The following PARD3 variants were observed in gnomAD, a reference collection of about 807,000 sequenced individuals.
PARD3 encodes par-3 family cell polarity regulator.
In PARD3, 75 loss-of-function variants were observed where a neutral mutation model predicts 155.4. That is an observed-to-expected ratio of 0.48 (90% CI 0.40 to 0.58). PARD3 has a LOEUF of 0.58. PARD3 is among the 20% of genes least tolerant of loss of function. The probability of loss-of-function intolerance (pLI) is 0.00; values close to 1 mark genes in which losing one functional copy is unlikely to be tolerated. For synonymous variants in PARD3, 576 were observed against 610.5 expected, an observed-to-expected ratio of 0.94 and a Z score of 0.83; for missense variants, 1,642 against 1,721.7, an observed-to-expected ratio of 0.95 and a Z score of 0.82.
intron 23 of PARD3, among the ~76,000 whole-genome samples, chr10:34,122,284 T>A (rs1222337287): frequency 6.6e-6 from 1 of 152,178 alleles, no homozygotes; most frequent in Non-Finnish European, 1.5e-5. Flanking sequence ...TTGTAGAAAT[T>A]TCAGGTGTAT....
At chr10:34,492,407 C>T (rs1481830201) in intron 3 of PARD3, among the ~76,000 whole-genome samples, 1 of 152,112 alleles carries the variant, frequency 6.6e-6, no homozygotes, top group East Asian at 1.9e-4. Context: ...GTTTCCTCAT[C>T]TATAACAAAA....
chr10:34,344,781 C>T (rs1837227601), intron 15 of PARD3: 1 of 985,220 alleles, frequency 1.0e-6, no homozygotes, highest in Non-Finnish European at 1.2e-6. Context: ...TGGTCACAAT[C>T]CTGTCTGACC....
At chr10:34,366,093 C>T (rs1246397871) in intron 12 of PARD3, among the ~76,000 whole-genome samples, 1 of 152,048 alleles carries the variant, frequency 6.6e-6, no homozygotes, top group Non-Finnish European at 1.5e-5. Flanking sequence ...TTCTTTAATT[C>T]TGCTTCCTCA....
chr10:34,505,392 C>G (rs1471803864), intron 3 of PARD3, among the ~76,000 whole-genome samples: 1 of 152,136 alleles, frequency 6.6e-6, no homozygotes, highest in Non-Finnish European at 1.5e-5. Context: ...GTGGGGAAAT[C>G]TTTTGTGTGG....
intron 3 of PARD3, among the ~76,000 whole-genome samples, chr10:34,490,230 T>C (rs2079802728): frequency 6.6e-6 from 1 of 152,192 alleles, no homozygotes; most frequent in African/African-American, 2.4e-5. Flanking sequence ...TTGTAATCAT[T>C]CTTCACAGGG....
intron 22 of PARD3, among the ~76,000 whole-genome samples, chr10:34,178,911 T>C (rs545137315): frequency 6.6e-6 from 1 of 152,130 alleles, no homozygotes; most frequent in African/African-American, 2.4e-5. Context: ...TTGGTTAGGA[T>C]GTGACAGGAA....
intron 2 of PARD3, among the ~76,000 whole-genome samples, chr10:34,610,510 T>C (rs993608111): frequency 6.6e-6 from 1 of 152,206 alleles, no homozygotes; most frequent in Non-Finnish European, 1.5e-5. Flanking sequence ...CAAAAAGGGT[T>C]ACGTGTGGAC....
intron 3 of PARD3, among the ~76,000 whole-genome samples, chr10:34,496,672 G>C (rs1487250465): frequency 6.6e-6 from 1 of 152,170 alleles, no homozygotes; most frequent in African/African-American, 2.4e-5. Context: ...TTTCAACGAA[G>C]AAACTGAAAC....
intron 22 of PARD3, among the ~76,000 whole-genome samples, chr10:34,167,113 G>C (rs1016060011): frequency 1.3e-5 from 2 of 152,142 alleles, no homozygotes; most frequent in African/African-American, 4.8e-5. Flanking sequence ...TGCCGCTTAC[G>C]GGCCTGGGTC....
intron 2 of PARD3, among the ~76,000 whole-genome samples, chr10:34,604,958 T>C (rs1590192531): frequency 6.6e-6 from 1 of 152,002 alleles, no homozygotes; most frequent in East Asian, 1.9e-4. Flanking sequence ...TTTTCCTTCT[T>C]TGTACAGTAA....
intron 5 of PARD3, among the ~76,000 whole-genome samples, chr10:34,408,653 T>C (rs1266705446): frequency 6.6e-5 from 10 of 152,088 alleles, no homozygotes; most frequent in East Asian, 1.9e-4. Flanking sequence ...TGGAAAACAA[T>C]TGAAAACATC....
intron 3 of PARD3, among the ~76,000 whole-genome samples, chr10:34,508,657 T>C (rs7477871): frequency 0.12 from 17,708 of 152,242 alleles, 1,629 homozygotes; most frequent in African/African-American, 0.26. Context: ...GCCTGATTTG[T>C]TAATATTGAA....
intron 2 of PARD3, among the ~76,000 whole-genome samples, chr10:34,580,955 A>C (rs1289166506): frequency 1.3e-5 from 2 of 152,208 alleles, no homozygotes; most frequent in Non-Finnish European, 2.9e-5. Context: ...CACATTAATC[A>C]TTTAATTTCT....
At chr10:34,698,240 T>C (rs1280089694) in intron 1 of PARD3, among the ~76,000 whole-genome samples, 2 of 152,206 alleles carry the variant, frequency 1.3e-5, no homozygotes, top group Admixed American at 6.5e-5. Flanking sequence ...CTGCAGCCTT[T>C]ATATAATATT....
intron 1 of PARD3, among the ~76,000 whole-genome samples, chr10:34,803,800 C>T (rs1315977690): frequency 3.3e-5 from 5 of 152,014 alleles, no homozygotes; most frequent in Non-Finnish European, 5.9e-5. Flanking sequence ...AAGACTCCAT[C>T]TCGGAAAATA....
At chr10:34,603,255 C>T (rs1055020684) in intron 2 of PARD3, among the ~76,000 whole-genome samples, 35 of 152,192 alleles carry the variant, frequency 2.3e-4, no homozygotes, top group African/African-American at 7.7e-4. Context: ...TCAGAACCAC[C>T]TGCCTGGTGC....
At chr10:34,213,939 G>C (rs1181091116) in intron 22 of PARD3, among the ~76,000 whole-genome samples, 1 of 152,120 alleles carries the variant, frequency 6.6e-6, no homozygotes, top group Non-Finnish European at 1.5e-5. Flanking sequence ...GCCCAGGCTA[G>C]AGTGCAGTTG....
intron 20 of PARD3, among the ~76,000 whole-genome samples, chr10:34,297,840 G>A (rs550468938): frequency 1.3e-5 from 2 of 152,308 alleles, no homozygotes; most frequent in Non-Finnish European, 2.9e-5. Flanking sequence ...CTCCTTACTA[G>A]TAAAACCCTG....
At chr10:34,189,372 C>A (rs1588688036) in intron 22 of PARD3, among the ~76,000 whole-genome samples, 1 of 152,272 alleles carries the variant, frequency 6.6e-6, no homozygotes, top group East Asian at 1.9e-4. Context: ...TAAGACATTT[C>A]TTTCCTTCTT....
Sources: allele counts gnomAD v4.1 joint callset (sites outside exome capture counted in the v4.1 genomes callset), GRCh38; gene constraint gnomAD v4.1.1; transcripts MANE v1.5; gene names NCBI Gene and HGNC (gene_info 2026-07-23, HGNC 2026-07-21).